CARD8: variants seen among roughly 807,000 people sequenced by gnomAD.
CARD8 encodes caspase recruitment domain-containing protein 8.
A neutral mutation model predicts 53.2 loss-of-function variants in CARD8; 38 were observed. The observed-to-expected ratio is 0.71, with a 90% CI of 0.55 to 0.94. The LOEUF is 0.94. CARD8 is among the 40% of genes least tolerant of loss of function. The probability of loss-of-function intolerance (pLI) is 0.00; values close to 1 mark genes in which losing one functional copy is unlikely to be tolerated. For synonymous variants in CARD8, 245 were observed against 244.9 expected (o/e 1.00, Z 0.00); for missense variants, 561 against 655.5 (o/e 0.86, Z 1.57).
Position 48,238,597 on chromosome 19 carries a change from C to T in CARD8, c.60-65G>A, listed in dbSNP as rs1486551812. ...GAGGAGCTCGATGGTGGGACAATCT[C>T]CTCACTGTGATGTAGCGAAAGTAGC... On this transcript the variant is annotated intron_variant, in intron 4 of 13. Coordinates refer to ENST00000651546, the MANE Select transcript of CARD8 (RefSeq NM_001184900.3). 9 of 1,467,424 alleles carry T rather than the reference C, an allele frequency of 6.1e-6. No individual in the cohort carries two copies. The Admixed American group carries it at 1.8e-4, about 30-fold the overall frequency. 90.9% of individuals were successfully genotyped at this position (1,467,424 alleles called of 1,614,324 possible). A position where few individuals can be genotyped will look rare whatever the true frequency, so the allele number is the denominator to read the frequency against.
At chr19:48,227,792 G>A (rs1407642530) in intron 10 of CARD8, among the ~76,000 whole-genome samples, 1 of 128,602 alleles carries the variant, frequency 7.8e-6, no homozygotes, top group Non-Finnish European at 1.6e-5. Context: ...GAGAGGGCTA[G>A]ACTCCATCAC....
intron 13 of CARD8, 103 bp downstream of exon 13, chr19:48,215,237 G>A: frequency 1.2e-6 from 1 of 811,202 alleles, no homozygotes; most frequent in Non-Finnish European, 2.1e-6. Context: ...TTTGCTGCCA[G>A]TAACGTTCTG....
intron 11 of CARD8, among the ~76,000 whole-genome samples, chr19:48,221,315 T>C (rs573346001): frequency 1.7e-4 from 26 of 152,178 alleles, no homozygotes; most frequent in Non-Finnish European, 3.5e-4. Context: ...AGGAATAATT[T>C]AAATTGCACA....
intron 6 of CARD8, 28 bp downstream of exon 6, chr19:48,234,375 A>G (rs1455007370): frequency 6.3e-7 from 1 of 1,595,512 alleles, no homozygotes; most frequent in Non-Finnish European, 8.5e-7. Flanking sequence ...AGCGTCCAAT[A>G]GTTTTCCAAC....
chr19:48,228,698 T>G (rs1389453907), intron 10 of CARD8, among the ~76,000 whole-genome samples: 4 of 151,968 alleles, frequency 2.6e-5, no homozygotes, highest in African/African-American at 9.7e-5. Context: ...TGGGGGCCAT[T>G]CTAGATTTTG....
At chr19:48,232,596 T>G in intron 6 of CARD8, 103 bp from the exon 7 acceptor site, 2 of 964,220 alleles carry the variant, frequency 2.1e-6, no homozygotes, top group Non-Finnish European at 3.2e-6. Flanking sequence ...CACTGTCCCG[T>G]AGAGTAGCCG....
chr19:48,234,483 T>C lies in CARD8; in HGVS notation c.270A>G (p.Gln90=), dbSNP rs981141319. The change falls in exon 6 of 14, where the codon CAA becomes CAG. Residue 90 remains glutamine, a synonymous_variant. Transcript: ENST00000651546. ...GCTCTGCCTCTGTCTCATCATCTTCTTGGAAAAAATGTGAGATGTCACAAA... is the reference window on the plus strand; with the variant it reads ...GCTCTGCCTCTGTCTCATCATCTTCCTGGAAAAAATGTGAGATGTCACAAA... ...ETLCDISHFF[Q]EDDETEAEPL... is the part of the protein sequence containing the mutation. The C allele has an allele frequency of 6.2e-7, 1 of 1,613,892 alleles. No individual in the cohort carries two copies. The highest frequency in any genetic ancestry group is 8.5e-7 in the Non-Finnish European group (1 of 1,179,876).
intron 5 of CARD8, among the ~76,000 whole-genome samples, chr19:48,236,536 A>T (rs1389296579): frequency 6.6e-6 from 1 of 152,168 alleles, no homozygotes; most frequent in Non-Finnish European, 1.5e-5. Flanking sequence ...TATTAAACAA[A>T]GTAGTTCTTT....
intron 6 of CARD8, chr19:48,233,866 A>G (rs938983516): frequency 6.2e-6 from 1 of 161,630 alleles, no homozygotes; most frequent in African/African-American, 2.4e-5. Context: ...TCAGCAGTCT[A>G]TGCCCTTGAG....
At chr19:48,207,734 G>GTTTTTTTTTTTTTTGTT (rs1599964939), downstream of CARD8, among the ~76,000 whole-genome samples, 12 of 116,530 alleles carry the variant, frequency 1.0e-4, 1 homozygote, top group African/African-American at 2.2e-4. Context: ...TTGTTTTTCT[G>GTTTTTTTTTTTTTTGTT]TTTTTTTTTT....
rs896553362 is a variant in CARD8, at chr19:48,242,125, G to A, written c.-43-1062C>T. Among the ~76,000 whole-genome samples, 4 of 152,296 alleles carry A rather than the reference G, an allele frequency of 2.6e-5. No individual in the cohort carries two copies. In the East Asian group the frequency reaches 7.7e-4, roughly 29 times the overall value. ...TATGTGTCCACCCTCAAGTTCATGT[G>A]TTGAAATCCTAACTCCAAATGTGAT... On this transcript the variant is annotated intron_variant, in intron 3 of 13. Transcript: ENST00000651546.
chr19:48,236,461 G>T (rs1005190206), intron 5 of CARD8, among the ~76,000 whole-genome samples: 1 of 152,054 alleles, frequency 6.6e-6, no homozygotes, highest in Non-Finnish European at 1.5e-5. Context: ...TGAACCACCC[G>T]CCCTGGCCTC....
chr19:48,244,420 G>A (rs907222358), intron 3 of CARD8, among the ~76,000 whole-genome samples: 11 of 152,188 alleles, frequency 7.2e-5, no homozygotes, highest in Non-Finnish European at 1.3e-4. Context: ...GAAGCATGGC[G>A]GAGGAACAGG....
At chr19:48,238,144 G>A (rs999234482) in intron 5 of CARD8, 35 of 514,532 alleles carry the variant, frequency 6.8e-5, no homozygotes, top group Middle Eastern at 6.2e-4. Flanking sequence ...ACCTGCCCTC[G>A]CCTCCCAGTG....
chr19:48,238,453 T>C lies in CARD8; in HGVS notation c.139A>G (p.Ser47Gly), dbSNP rs1041860600. Reference protein sequence around the residue: ...QGSRKLLVDNSIRELQYTKTG... With the variant: ...QGSRKLLVDNGIRELQYTKTG... ...TTTGTGTATTGCAGTTCCCGTATGC[T>C]ATTGTCAACCAACAGTTTCCGTGAT... The change falls in exon 5 of 14, where the codon AGC (serine) becomes GGC (glycine). Residue 47 changes from serine (S) to glycine (G), a missense_variant. Physicochemically the swap from Ser to Gly is moderately conservative, Grantham distance 56. Transcript: ENST00000651546. 24 of 1,536,158 alleles carry C rather than the reference T, an allele frequency of 1.6e-5. No homozygotes were observed. The highest frequency in any genetic ancestry group is 1.9e-5 in the Non-Finnish European group (22 of 1,146,934).
chr19:48,240,955 C>T lies in CARD8; in HGVS notation c.59+7G>A. The T allele has an allele frequency of 6.5e-7, 1 of 1,535,648 alleles. No homozygotes were observed. The highest frequency in any genetic ancestry group is 8.7e-7 in the Non-Finnish European group (1 of 1,146,354). On this transcript the variant is annotated splice_region_variant and intron_variant, in intron 4 of 13. Transcript: ENST00000651546. ...CAGGAGCCCTCACAGAGCGCAAAGT[C>T]ACTCACCGTCTCGGCAGCTCTTCCT...
At chr19:48,218,090 TC>T (rs2039699719) in intron 12 of CARD8, among the ~76,000 whole-genome samples, 1 of 152,098 alleles carries the variant, frequency 6.6e-6, no homozygotes, top group Non-Finnish European at 1.5e-5. Flanking sequence ...GCATTTCACT[TC>T]CTAGAGATGA....
At chr19:48,220,991 AAG>A (rs1568697037) in intron 11 of CARD8, among the ~76,000 whole-genome samples, 30 of 101,920 alleles carry the variant, frequency 2.9e-4, no homozygotes, top group African/African-American at 9.0e-4. Context: ...GGAAGGAAGG[AAG>A]GAAAGAAAGA....
intron 11 of CARD8, among the ~76,000 whole-genome samples, chr19:48,221,004 A>G (rs755879818): frequency 0.08 from 8,315 of 103,366 alleles, 278 homozygotes; most frequent in East Asian, 0.17. Context: ...GAAAGAAAGA[A>G]AGAAAAAGAA....
Sources: allele counts gnomAD v4.1 joint callset (sites outside exome capture counted in the v4.1 genomes callset), GRCh38; gene constraint gnomAD v4.1.1; transcripts MANE v1.5; gene names NCBI Gene and HGNC (gene_info 2026-07-23, HGNC 2026-07-21).